Variants in IL1RAPL1 observed in about 807,000 individuals in gnomAD.
IL1RAPL1 encodes interleukin-1 receptor accessory protein-like 1.
In IL1RAPL1, 3 loss-of-function variants were observed where a neutral mutation model predicts 48.4. The observed-to-expected ratio is 0.06, with a 90% confidence interval of 0.03 to 0.16. The LOEUF is 0.16. Among genes scored for constraint, IL1RAPL1 ranks in the 10% least tolerant of loss-of-function variants. The probability of loss-of-function intolerance (pLI) is 1.00; values close to 1 mark genes in which losing one functional copy is unlikely to be tolerated. For missense variants in IL1RAPL1, 349 were observed against 530.6 expected (o/e 0.66, Z 3.36); for synonymous variants, 185 against 187.7 (o/e 0.99, Z 0.12).
intron 2 of IL1RAPL1, among the ~76,000 whole-genome samples, chrX:29,232,445 G>A (rs896684258): frequency 3.6e-5 from 4 of 112,239 alleles, no homozygotes; most frequent in South Asian, 3.6e-4. Flanking sequence ...CAGAAATAGC[G>A]TGAAAGAATT....
intron 6 of IL1RAPL1, among the ~76,000 whole-genome samples, chrX:29,876,286 T>C (rs9969879): frequency 5.4e-5 from 6 of 111,408 alleles, no homozygotes; most frequent in African/African-American, 2.0e-4. Flanking sequence ...AACCTCAGAG[T>C]GGGTCTCCTC....
At chrX:29,189,088 C>T (rs374092430) in intron 2 of IL1RAPL1, among the ~76,000 whole-genome samples, 9 of 111,876 alleles carry the variant, frequency 8.0e-5, no homozygotes, top group East Asian at 5.6e-4. Context: ...TTAGATAGTA[C>T]GTGTTTTTTA....
intron 2 of IL1RAPL1, among the ~76,000 whole-genome samples, chrX:28,809,425 T>C (rs762683914): frequency 6.2e-4 from 68 of 110,525 alleles, no homozygotes; most frequent in Non-Finnish European, 9.5e-4. Flanking sequence ...AAGATATCAT[T>C]TGAGTTGAGA....
intron 2 of IL1RAPL1, among the ~76,000 whole-genome samples, chrX:29,064,017 A>T (rs1248010700): frequency 1.8e-5 from 2 of 112,002 alleles, no homozygotes; most frequent in Non-Finnish European, 3.8e-5. Flanking sequence ...CTATAGAAAG[A>T]TGAGTGTGTG....
chrX:28,617,284 T>C lies in IL1RAPL1; in HGVS notation c.-25+29237T>C, dbSNP rs7888739. Among the ~76,000 whole-genome samples the C allele has an allele frequency of 5.7e-3, 641 of 111,633 alleles. 3 individuals carry two copies. The highest frequency in any genetic ancestry group is 0.02 in the African/African-American group (618 of 30,736). Reference sequence around the variant, plus strand: ...CCCCTTCCCACCCCCATGCCATTCCTATCACTAGTCTTTTTGGGGAAGAGG... The same window carrying C: ...CCCCTTCCCACCCCCATGCCATTCCCATCACTAGTCTTTTTGGGGAAGAGG... On this transcript the variant is annotated intron_variant, in intron 1 of 10. Transcript: ENST00000378993.
chrX:28,756,573 A>C (rs756510694), intron 1 of IL1RAPL1, among the ~76,000 whole-genome samples: 1 of 112,001 alleles, frequency 8.9e-6, no homozygotes, highest in African/African-American at 3.2e-5. Context: ...AATTCTCCAA[A>C]TGTCCCAACC....
chrX:29,008,807 C>T (rs1602009217), intron 2 of IL1RAPL1, among the ~76,000 whole-genome samples: 1 of 109,968 alleles, frequency 9.1e-6, no homozygotes, highest in South Asian at 3.9e-4. Flanking sequence ...TTAGTTTCAA[C>T]CCTTACTTCC....
intron 2 of IL1RAPL1, among the ~76,000 whole-genome samples, chrX:29,217,929 A>T (rs1000302895): frequency 9.0e-6 from 1 of 110,927 alleles, no homozygotes; most frequent in Non-Finnish European, 1.9e-5. Flanking sequence ...TAAAAAAATA[A>T]ATTTGTTTTT....
chrX:28,615,199 G>GTTTTTTTTTTTTTTTTTTTTTTTTTT (rs778402885), intron 1 of IL1RAPL1, among the ~76,000 whole-genome samples: 1 of 26,062 alleles, frequency 3.8e-5, no homozygotes, highest in Non-Finnish European at 6.9e-5. Context: ...ACTGTTGTCT[G>GTTTTTTTTTTTTTTTTTTTTTTTTTT]TTTTTTTTTT....
intron 9 of IL1RAPL1, among the ~76,000 whole-genome samples, chrX:29,950,535 T>G (rs1048569486): frequency 9.0e-5 from 10 of 111,288 alleles, no homozygotes; most frequent in African/African-American, 3.3e-4. Flanking sequence ...TTGCTATAAA[T>G]ATAAATTCTA....
intron 1 of IL1RAPL1, among the ~76,000 whole-genome samples, chrX:28,588,298 C>A (rs1933871762): frequency 9.2e-6 from 1 of 108,121 alleles, no homozygotes; most frequent in African/African-American, 3.4e-5. Flanking sequence ...ATTCTGAGTG[C>A]AATTGAAAAT....
intron 6 of IL1RAPL1, among the ~76,000 whole-genome samples, chrX:29,688,492 A>G: frequency 8.9e-6 from 1 of 111,924 alleles, no homozygotes; most frequent in South Asian, 3.7e-4. Flanking sequence ...AAGAAGCTTA[A>G]CTTAATTATA....
intron 6 of IL1RAPL1, among the ~76,000 whole-genome samples, chrX:29,890,576 T>TA (rs780804592): frequency 1.3e-3 from 149 of 112,452 alleles, no homozygotes; most frequent in Non-Finnish European, 2.3e-3. Context: ...TGATTTTAAT[T>TA]ATGCTAACAG....
Position 29,294,209 on chromosome X carries a change from T to A in IL1RAPL1, c.362+10992T>A, listed in dbSNP as rs1015015595. Among the ~76,000 whole-genome samples, 4 of 110,887 alleles carry A rather than the reference T, an allele frequency of 3.6e-5. No individual in the cohort carries two copies. In the Admixed American group the frequency reaches 3.9e-4, roughly 11 times the overall value. The stretch of plus-strand genomic sequence containing the variant: ...TTCTGTTAAAAGGTTTCAGGAAGAC[T>A]ACTACAAGAAAAATTAAATAATGAA... On this transcript the variant is annotated intron_variant, in intron 3 of 10. Coordinates refer to ENST00000378993, the MANE Select transcript of IL1RAPL1 (RefSeq NM_014271.4).
chrX:29,709,273 G>A (rs1025001645), intron 6 of IL1RAPL1, among the ~76,000 whole-genome samples: 5 of 111,404 alleles, frequency 4.5e-5, no homozygotes, highest in African/African-American at 9.8e-5. Context: ...TAGAGTTTCA[G>A]GTCTTACATT....
chrX:29,749,041 A>C (rs2147139766), intron 6 of IL1RAPL1, among the ~76,000 whole-genome samples: 1 of 112,624 alleles, frequency 8.9e-6, no homozygotes, highest in South Asian at 3.6e-4. Context: ...AAGAAATGAA[A>C]GGGAGAATAA....
chrX:29,342,233 T>G (rs1450560900), intron 3 of IL1RAPL1, among the ~76,000 whole-genome samples: 1 of 110,540 alleles, frequency 9.0e-6, no homozygotes, highest in African/African-American at 3.3e-5. Context: ...TAATTGGGAC[T>G]TAAAACCAAA....
At chrX:29,644,021 C>T (rs911565464) in intron 5 of IL1RAPL1, among the ~76,000 whole-genome samples, 1 of 111,906 alleles carries the variant, frequency 8.9e-6, no homozygotes, top group Non-Finnish European at 1.9e-5. Context: ...ATCTGAGCTT[C>T]AAATATGTGA....
At chrX:28,976,545 T>G (rs1704062152) in intron 2 of IL1RAPL1, among the ~76,000 whole-genome samples, 1 of 111,439 alleles carries the variant, frequency 9.0e-6, no homozygotes. Flanking sequence ...ACAAATTAAT[T>G]TTGAGATATG....
Sources: allele counts gnomAD v4.1 joint callset (sites outside exome capture counted in the v4.1 genomes callset), GRCh38; gene constraint gnomAD v4.1.1; transcripts MANE v1.5; gene names NCBI Gene and HGNC (gene_info 2026-07-23, HGNC 2026-07-21).